PP2D1: variants seen among roughly 807,000 people sequenced by gnomAD.
The protein encoded by PP2D1 is protein phosphatase 2C like domain containing 1.
A neutral mutation model predicts 30.2 loss-of-function variants in PP2D1; 25 were observed. The ratio of observed to expected loss-of-function variants is 0.83; its 90% confidence interval spans 0.60 to 1.16. The LOEUF is 1.16. Among genes scored for constraint, PP2D1 ranks in the 50% most tolerant of loss-of-function variants. The probability of loss-of-function intolerance (pLI) is 0.00; values close to 1 mark genes in which losing one functional copy is unlikely to be tolerated. For missense variants in PP2D1, 760 were observed against 742.4 expected, an observed-to-expected ratio of 1.02 and a Z score of -0.28; for synonymous variants, 260 against 258.9, an observed-to-expected ratio of 1.00 and a Z score of -0.04.
rs557835539 is a variant in PP2D1 at position 19,994,110 on chromosome 3, G to A, written c.1090+6920C>T. Reference sequence around the variant, plus strand: ...CCTAGGGATTGTCCAAGATGGGGAAGACTAAATGGCTCACCACAACAAAGC... The same window carrying A: ...CCTAGGGATTGTCCAAGATGGGGAAAACTAAATGGCTCACCACAACAAAGC... On this transcript the variant is annotated intron_variant, in intron 2 of 2. Coordinates refer to ENST00000389050, the MANE Select transcript of PP2D1 (RefSeq NM_001252657.2). Among the ~76,000 whole-genome samples the A allele has an allele frequency of 3.3e-5, 5 of 151,722 alleles. No individual in the cohort carries two copies. The South Asian group carries it at 1.0e-3, about 32-fold the overall frequency.
intron 1 of PP2D1, among the ~76,000 whole-genome samples, chr3:20,003,393 T>A (rs1379058053): frequency 4.6e-5 from 7 of 151,042 alleles, no homozygotes; most frequent in Non-Finnish European, 3.0e-5. Flanking sequence ...TGTTTTTTTT[T>A]TTAAAAAAAA....
intron 2 of PP2D1, among the ~76,000 whole-genome samples, chr3:19,991,338 A>G (rs926354633): frequency 5.9e-5 from 9 of 152,210 alleles, no homozygotes; most frequent in East Asian, 3.9e-4. Context: ...TGGAATCCCA[A>G]CCAGGGACTT....
In PP2D1 at chr3:20,001,139, A is replaced by T. The variant is rs1486263001; in HGVS notation, c.981T>A (p.Tyr327Ter). The T allele has an allele frequency of 3.4e-6, 5 of 1,463,820 alleles. No homozygotes were observed. The highest frequency in any genetic ancestry group is 4.5e-6 in the Non-Finnish European group (5 of 1,111,516). 90.7% of individuals were successfully genotyped at this position (1,463,820 alleles called of 1,614,324 possible). The change falls in exon 2 of 3, where the codon TAT becomes TAA. Residue 327 changes from tyrosine to a stop codon, truncating the protein, a stop_gained. Transcript: ENST00000389050. LOFTEE classifies it high-confidence loss of function. ...CILEGKPKSP[Y>*]AHKNWKRKNT... is the part of the protein sequence containing the mutation. ...TTTTTCTTTTCCAATTCTTATGAGC[A>T]TAAGGACTTTTAGGTTTGCCTTCCA...
chr3:20,002,633 T>C (rs907352933), intron 1 of PP2D1, among the ~76,000 whole-genome samples: 10 of 152,104 alleles, frequency 6.6e-5, no homozygotes, highest in Admixed American at 5.2e-4. Flanking sequence ...GTATAGCAAA[T>C]AGAAGGCCAG....
At chr3:20,001,008 T>C in intron 2 of PP2D1, 22 bp downstream of exon 2, 1 of 1,255,708 alleles carries the variant, frequency 8.0e-7, no homozygotes, top group Non-Finnish European at 1.0e-6. Flanking sequence ...AGGTGTTATT[T>C]GGTGCTATTC....
In PP2D1 at chr3:20,001,659, T is replaced by G. The variant is rs1471406460; in HGVS notation, c.461A>C (p.Asp154Ala). 4 of 1,535,988 alleles carry G rather than the reference T, an allele frequency of 2.6e-6. No individual in the cohort carries two copies. The highest frequency in any genetic ancestry group is 3.5e-6 in the Non-Finnish European group (4 of 1,146,812). The change falls in exon 2 of 3, where the codon GAC becomes GCC. Residue 154 changes from aspartate (D) to alanine (A), a missense_variant. Physicochemically the swap from Asp to Ala is moderately radical, Grantham distance 126 (BLOSUM62 -2). Coordinates refer to ENST00000389050, the MANE Select transcript of PP2D1 (RefSeq NM_001252657.2). The stretch of plus-strand genomic sequence containing the variant: ...TTTTTGAGAATATATGACACTCCTG[T>G]CAATGTTATCAAAAATCTTATAGTA... ...PAYYKIFDNI[D>A]RSVIYSQKIC...
downstream of PP2D1, among the ~76,000 whole-genome samples, chr3:19,982,187 A>C (rs192716068): frequency 2.0e-5 from 3 of 152,254 alleles, no homozygotes; most frequent in African/African-American, 7.2e-5. Flanking sequence ...GCAGTGAGCT[A>C]TGATTGATGC....
intron 1 of PP2D1, among the ~76,000 whole-genome samples, chr3:20,011,672 G>A (rs563382864): frequency 4.4e-4 from 67 of 152,082 alleles, no homozygotes; most frequent in Middle Eastern, 3.4e-3. Flanking sequence ...GGTGGCAGCC[G>A]CCTGCAGTCC....
Position 19,986,102 on chromosome 3 carries a change from T to C in PP2D1, c.1171A>G (p.Arg391Gly), listed in dbSNP as rs2125136759. The C allele has an allele frequency of 6.5e-7, 1 of 1,535,982 alleles. No homozygotes were observed. Among genetic ancestry groups the C allele is most frequent in the African/African-American group, 1.4e-5 (1 of 73,190 alleles). ...KEHTTRNTNE[R>G]RRILQNGAVI... ...GCTCCATTCTGAAGTATTCTTCTTC[T>C]TTCATTTGTGTTTCGTGTAGTATGT... The change falls in exon 3 of 3, where the codon AGA (arginine) becomes GGA (glycine). Residue 391 changes from arginine to glycine, a missense_variant. This residue lies in a region of PP2D1 where 369 missense variants were observed against 316.2 expected (regional missense o/e 1.17). Coordinates refer to ENST00000389050, the MANE Select transcript of PP2D1 (RefSeq NM_001252657.2).
chr3:20,001,964 A>G lies in PP2D1; in HGVS notation c.156T>C (p.His52=). ...CTTGCTCATAGACCTGCTCCTCTTC[A>G]TGGCGTTTGGTGTGTCTCACTGGTC... is the stretch of plus-strand genomic sequence containing the variant. ...KSRPVRHTKR[H]EEEQVYEQGT... is the part of the protein sequence containing the mutation. The change falls in exon 2 of 3, where the codon CAT becomes CAC. Residue 52 remains histidine (H), a synonymous_variant. Transcript: ENST00000389050. 6.5e-7 allele frequency: 1 copy of G among 1,536,282 alleles called. No individual in the cohort carries two copies. The highest frequency in any genetic ancestry group is 8.7e-7 in the Non-Finnish European group (1 of 1,146,952).
downstream of PP2D1, among the ~76,000 whole-genome samples, chr3:19,982,951 G>T (rs1364563923): frequency 1.3e-5 from 2 of 152,130 alleles, no homozygotes; most frequent in African/African-American, 4.8e-5. Flanking sequence ...AAAAATGTTT[G>T]TGGCAGTCTA....
At chr3:19,995,528 A>G (rs2125141360) in intron 2 of PP2D1, among the ~76,000 whole-genome samples, 1 of 152,286 alleles carries the variant, frequency 6.6e-6, no homozygotes, top group Non-Finnish European at 1.5e-5. Context: ...GAGAGAATAA[A>G]TGTTTGCTGT....
At position 19,986,013 on chromosome 3, in the gene PP2D1, A is replaced by G; in HGVS notation, c.1260T>C (p.Leu420=). ...TCAGCTTGAGATTTCCATGAAATCCAAGTCCTCGTGTAGTTTTTACTTGCC... is the reference window on the plus strand; with the variant it reads ...TCAGCTTGAGATTTCCATGAAATCCGAGTCCTCGTGTAGTTTTTACTTGCC... ...VEGQVKTTRG[L]GFHGNLKLKK... is the part of the protein sequence containing the mutation. The change falls in exon 3 of 3, where the codon CTT becomes CTC. Residue 420 remains leucine, a synonymous_variant. Coordinates refer to ENST00000389050, the MANE Select transcript of PP2D1 (RefSeq NM_001252657.2). 3 of 1,536,116 alleles carry G rather than the reference A, an allele frequency of 2.0e-6. No individual in the cohort carries two copies. Among genetic ancestry groups the G allele is most frequent in the Non-Finnish European group, 2.6e-6 (3 of 1,146,884 alleles).
intron 1 of PP2D1, among the ~76,000 whole-genome samples, chr3:20,003,929 G>A (rs1697286212): frequency 6.6e-6 from 1 of 151,958 alleles, no homozygotes; most frequent in Non-Finnish European, 1.5e-5. Flanking sequence ...AAATTTAAAC[G>A]TTTACAAAGT....
intron 2 of PP2D1, chr3:19,997,066 T>C (rs1313199700): frequency 1.3e-5 from 2 of 152,008 alleles, no homozygotes; most frequent in African/African-American, 4.8e-5. Context: ...GAAACATATC[T>C]CAACAGAAGA....
At chr3:19,994,942 G>T (rs1330664665) in intron 2 of PP2D1, among the ~76,000 whole-genome samples, 1 of 152,192 alleles carries the variant, frequency 6.6e-6, no homozygotes, top group Non-Finnish European at 1.5e-5. Flanking sequence ...GACTCATAGG[G>T]CTGGAGAATA....
Position 19,985,597 on chromosome 3 carries a change from T to C in PP2D1, c.1676A>G (p.His559Arg), listed in dbSNP as rs1482795263. 3 of 1,536,080 alleles carry C rather than the reference T, an allele frequency of 2.0e-6. No homozygotes were observed. The South Asian group carries it at 3.6e-5, about 18-fold the overall frequency. ...TACTTTTTCACTGCAAGGTTTACGA[T>C]GAGTCGTTTCTGCTGGAAATGTTTC... ...NVETFPAETT[H>R]RKPCSEKVTD... Residue 559 changes from histidine (H) to arginine (R), a missense_variant, in exon 3 of 3, where the codon CAT (histidine) becomes CGT (arginine). Physicochemically the swap from His to Arg is conservative, Grantham distance 29 (BLOSUM62 0). Coordinates refer to ENST00000389050, the MANE Select transcript of PP2D1 (RefSeq NM_001252657.2).
rs1169311413 is a variant in PP2D1 at position 20,001,393 on chromosome 3, C to G, written c.727G>C (p.Asp243His). ...KFDPSYQMTTDEQQIINSFYT... is the reference protein window; with the variant it reads ...KFDPSYQMTTHEQQIINSFYT... ...AAGGAATTGATTATTTGTTGCTCAT[C>G]AGTTGTCATTTGGTAAGAAGGATCA... Residue 243 changes from aspartate (D) to histidine (H), a missense_variant, in exon 2 of 3, where the codon GAT (aspartate) becomes CAT (histidine). By Grantham distance (81) the Asp-to-His change is moderately conservative. Around this residue, in one of 3 missense-constraint regions of PP2D1, gnomAD observed 374 missense variants for 388.8 expected, o/e 0.96. Transcript: ENST00000389050. 1 of 1,536,502 alleles carries G rather than the reference C, an allele frequency of 6.5e-7. No homozygotes were observed. The highest frequency in any genetic ancestry group is 2.0e-5 in the Admixed American group (1 of 50,978).
At chr3:19,986,498 CAG>C (rs563276328) in intron 2 of PP2D1, among the ~76,000 whole-genome samples, 75 of 152,270 alleles carry the variant, frequency 4.9e-4, no homozygotes, top group African/African-American at 1.7e-3. Context: ...ACTCACATTG[CAG>C]AGTCATGAGT....
Sources: allele counts gnomAD v4.1 joint callset (sites outside exome capture counted in the v4.1 genomes callset), GRCh38; gene constraint gnomAD v4.1.1; regional missense constraint gnomAD v4.1.1; transcripts MANE v1.5; gene names NCBI Gene and HGNC (gene_info 2026-07-23, HGNC 2026-07-21).